Variants in ASTN2 observed in about 807,000 individuals in gnomAD.
ASTN2 encodes the protein astrotactin-2.
In ASTN2, 54 loss-of-function variants were observed where a neutral mutation model predicts 139.8. That is an observed-to-expected ratio of 0.39 (90% CI 0.31 to 0.48). The LOEUF (loss-of-function observed/expected upper bound fraction) is 0.48. Among genes scored for constraint, ASTN2 ranks in the 20% least tolerant of loss-of-function variants. The probability of loss-of-function intolerance (pLI) is 0.95; values close to 1 mark genes in which losing one functional copy is unlikely to be tolerated. For synonymous variants in ASTN2, 756 were observed against 719.5 expected (o/e 1.05, Z -0.81); for missense variants, 1,565 against 1,725.1 (o/e 0.91, Z 1.64).
intron 19 of ASTN2, among the ~76,000 whole-genome samples, chr9:116,498,215 T>C (rs1849731320): frequency 6.6e-6 from 1 of 152,166 alleles, no homozygotes; most frequent in Non-Finnish European, 1.5e-5. Flanking sequence ...CCAAAGCCTG[T>C]TGTTTTTCCA....
intron 2 of ASTN2, among the ~76,000 whole-genome samples, chr9:117,271,484 C>A (rs1030573973): frequency 1.3e-5 from 2 of 152,166 alleles, no homozygotes; most frequent in Non-Finnish European, 2.9e-5. Context: ...CATTTCAAAT[C>A]CAATCATGCC....
chr9:116,848,767 CAACCAGTTCTCTGGG>C (rs1247702356), intron 11 of ASTN2, among the ~76,000 whole-genome samples: 1 of 152,200 alleles, frequency 6.6e-6, no homozygotes, highest in Non-Finnish European at 1.5e-5. Context: ...TCTCTGGCAG[CAACCAGTTCTCTGGG>C]AGATCTTTCA....
intron 16 of ASTN2, among the ~76,000 whole-genome samples, chr9:116,716,568 A>G (rs1171497377): frequency 1.3e-5 from 2 of 152,188 alleles, no homozygotes; most frequent in African/African-American, 2.4e-5. Context: ...ACTATTTCTT[A>G]CTGTCACACC....
intron 6 of ASTN2, among the ~76,000 whole-genome samples, chr9:117,035,871 G>A (rs746414743): frequency 3.3e-5 from 5 of 152,128 alleles, no homozygotes; most frequent in South Asian, 2.1e-4. Flanking sequence ...AGCATATAAT[G>A]TATTCCCTTT....
At chr9:117,019,450 C>T (rs1837808661) in intron 6 of ASTN2, among the ~76,000 whole-genome samples, 1 of 152,056 alleles carries the variant, frequency 6.6e-6, no homozygotes, top group Admixed American at 6.6e-5. Context: ...AGAACAGCTG[C>T]CTAAATATAC....
intron 10 of ASTN2, among the ~76,000 whole-genome samples, chr9:116,893,049 C>T (rs942498555): frequency 6.6e-6 from 1 of 152,030 alleles, no homozygotes; most frequent in Non-Finnish European, 1.5e-5. Flanking sequence ...TAATTTATCA[C>T]ACTTATTATT....
chr9:116,813,640 T>C (rs1831225147), intron 12 of ASTN2, among the ~76,000 whole-genome samples: 1 of 152,244 alleles, frequency 6.6e-6, no homozygotes, highest in South Asian at 2.1e-4. Flanking sequence ...TTTTTCCTTA[T>C]TTATTAATTT....
intron 21 of ASTN2, 74 bp downstream of exon 21, chr9:116,442,379 A>G: frequency 8.6e-7 from 1 of 1,156,912 alleles, no homozygotes; most frequent in Non-Finnish European, 1.3e-6. Flanking sequence ...GTGTTTAATG[A>G]TTAGTGACTG....
At chr9:117,200,943 G>T (rs550387040) in intron 3 of ASTN2, among the ~76,000 whole-genome samples, 10 of 149,056 alleles carry the variant, frequency 6.7e-5, no homozygotes, top group Non-Finnish European at 1.5e-4. Flanking sequence ...AATGGTACCA[G>T]CTCCTCTTTG....
At chr9:117,025,639 T>A (rs1175589966) in intron 6 of ASTN2, among the ~76,000 whole-genome samples, 1 of 152,134 alleles carries the variant, frequency 6.6e-6, no homozygotes, top group Non-Finnish European at 1.5e-5. Flanking sequence ...TCACCTGAGA[T>A]ATTACTCCAG....
intron 3 of ASTN2, among the ~76,000 whole-genome samples, chr9:117,166,338 T>C (rs368370834): frequency 4.6e-5 from 7 of 152,254 alleles, no homozygotes; most frequent in African/African-American, 1.7e-4. Context: ...AGTCTCATCC[T>C]TTCTAACTCA....
intron 6 of ASTN2, among the ~76,000 whole-genome samples, chr9:117,029,672 G>A (rs1027407406): frequency 6.6e-6 from 1 of 151,382 alleles, no homozygotes; most frequent in African/African-American, 2.4e-5. Flanking sequence ...TGTTGACCAT[G>A]GGAGGAAAAA....
chr9:117,353,415 C>G (rs1345515030), intron 1 of ASTN2, among the ~76,000 whole-genome samples: 1 of 152,132 alleles, frequency 6.6e-6, no homozygotes, highest in East Asian at 1.9e-4. Flanking sequence ...TGAAATCTGG[C>G]TACTGTGTGC....
chr9:117,396,504 T>C (rs1330645596), intron 1 of ASTN2, among the ~76,000 whole-genome samples: 1 of 152,124 alleles, frequency 6.6e-6, no homozygotes, highest in Non-Finnish European at 1.5e-5. Flanking sequence ...TAGTTTACTT[T>C]TTATTTTTTA....
chr9:117,349,894 CTG>C (rs768359803), intron 1 of ASTN2, among the ~76,000 whole-genome samples: 6 of 152,130 alleles, frequency 3.9e-5, no homozygotes, highest in Non-Finnish European at 5.9e-5. Flanking sequence ...ACCTGAGAGA[CTG>C]TCACATAACA....
Position 116,423,832 on chromosome 9 carries a change from G to C in ASTN2, c.*2019C>G, listed in dbSNP as rs1371435005. On this transcript the variant is annotated 3_prime_UTR_variant, in exon 23 of 23. Coordinates refer to ENST00000313400, the MANE Select transcript of ASTN2 (RefSeq NM_001365068.1). Reference sequence around the variant, plus strand: ...GGAAAAAAATGCGCTCAATATGTAGGTTATCAGGAAGGGGATTGTCAATCT... The same window carrying C: ...GGAAAAAAATGCGCTCAATATGTAGCTTATCAGGAAGGGGATTGTCAATCT... Among the ~76,000 whole-genome samples the C allele has an allele frequency of 2.6e-5, 4 of 152,114 alleles. No homozygotes were observed. The East Asian group carries it at 7.7e-4, about 29-fold the overall frequency.
intron 1 of ASTN2, among the ~76,000 whole-genome samples, chr9:117,302,387 C>T (rs1010721561): frequency 2.0e-5 from 3 of 152,144 alleles, no homozygotes; most frequent in African/African-American, 7.2e-5. Context: ...CATCATGATG[C>T]AGTGTTCTTC....
chr9:116,648,241 C>T (rs193137045), intron 17 of ASTN2, among the ~76,000 whole-genome samples: 58 of 152,138 alleles, frequency 3.8e-4, no homozygotes, highest in Admixed American at 1.8e-3. Flanking sequence ...ACCTCATGAT[C>T]AGCCCGTCTC....
At chr9:117,041,347 T>C (rs1838565393) in intron 5 of ASTN2, among the ~76,000 whole-genome samples, 1 of 152,246 alleles carries the variant, frequency 6.6e-6, no homozygotes, top group African/African-American at 2.4e-5. Flanking sequence ...ATGTCAAATA[T>C]ATTAATAACA....
Sources: gnomAD v4.1 joint callset for allele counts (sites outside exome capture counted in the v4.1 genomes callset) on GRCh38, gnomAD v4.1.1 for gene constraint, MANE v1.5 for transcripts, NCBI Gene and HGNC (gene_info 2026-07-23, HGNC 2026-07-21) for gene names.